AFF1: variants seen among roughly 807,000 people sequenced by gnomAD.
AFF1 encodes AF4/FMR2 family member 1.
AFF1 carries 48 observed loss-of-function variants against 121.7 expected under a neutral mutation model. The observed-to-expected ratio is 0.39, with a 90% CI of 0.31 to 0.50. AFF1 has a LOEUF of 0.50. AFF1 is among the 20% of genes least tolerant of loss of function. AFF1 has a pLI of 0.76. For missense variants in AFF1, 1,523 were observed against 1,511.7 expected (o/e 1.01, Z -0.12); for synonymous variants, 613 against 563.0 (o/e 1.09, Z -1.26).
rs75029481 is a variant in AFF1 at position 87,000,183 on chromosome 4, G to T, written c.39-45983G>T. On this transcript the variant is annotated intron_variant, in intron 2 of 20. Coordinates refer to ENST00000395146, the MANE Select transcript of AFF1 (RefSeq NM_001166693.3). ...GGAGAAGAGGCAAATCTTTCTTAGA[G>T]AAGAATTTCAAATATGTATAGCTAT... 4.0e-3 allele frequency among the ~76,000 whole-genome samples: 611 copies of T among 152,318 alleles called. 1 individual carries two copies. Among genetic ancestry groups the T allele is most frequent in the African/African-American group, 0.014 (571 of 41,568 alleles).
intron 6 of AFF1, among the ~76,000 whole-genome samples, chr4:87,090,892 G>A (rs1724228984): frequency 6.6e-6 from 1 of 151,836 alleles, no homozygotes; most frequent in African/African-American, 2.4e-5. Flanking sequence ...GCATGCACCT[G>A]TAGTCCCAGC....
At chr4:87,033,590 C>A (rs995677753) in intron 2 of AFF1, among the ~76,000 whole-genome samples, 1 of 152,110 alleles carries the variant, frequency 6.6e-6, no homozygotes, top group African/African-American at 2.4e-5. Flanking sequence ...CTCTTATGGG[C>A]TGTAGAAGTT....
Position 87,135,719 on chromosome 4 carries a change from TCAATG to T in AFF1, c.*20_*24del, listed in dbSNP as rs746466939. ...CACCTTAATGGAGCCCCAGGTTGAT[TCAATG>T]CCTTGGGAACTATTTTTGCACATTG... On this transcript the variant is annotated 3_prime_UTR_variant, in exon 21 of 21. Transcript: ENST00000395146. 6.2e-7 allele frequency: 1 copy of T among 1,606,578 alleles called. No individual in the cohort carries two copies. The highest frequency in any genetic ancestry group is 1.1e-5 in the South Asian group (1 of 89,200).
chr4:87,119,369 A>G (rs984720412), intron 12 of AFF1, among the ~76,000 whole-genome samples: 4 of 152,022 alleles, frequency 2.6e-5, no homozygotes, highest in Non-Finnish European at 5.9e-5. Flanking sequence ...GCTTGAGCCC[A>G]GGAGTTCAAG....
At chr4:86,975,336 G>A (rs1723226764) in intron 2 of AFF1, among the ~76,000 whole-genome samples, 1 of 152,016 alleles carries the variant, frequency 6.6e-6, no homozygotes, top group East Asian at 1.9e-4. Flanking sequence ...CTGCAGCCTT[G>A]ACCTCCTGGG....
rs940436294 is a variant in AFF1, at chr4:87,094,039, C to A, written c.1229-876C>A. On this transcript the variant is annotated intron_variant, in intron 7 of 20. Transcript: ENST00000395146. ...ATACAGTCATAACTTCCCATCCTGG[C>A]CTTCAGAGCCCTCTGAAATCTGCTT... Among the ~76,000 whole-genome samples the A allele has an allele frequency of 1.2e-4, 18 of 152,112 alleles. No individual in the cohort carries two copies. In the East Asian group the frequency reaches 2.5e-3, roughly 21 times the overall value.
At chr4:87,019,106 A>G (rs1578074283) in intron 2 of AFF1, among the ~76,000 whole-genome samples, 1 of 152,256 alleles carries the variant, frequency 6.6e-6, no homozygotes, top group Admixed American at 6.5e-5. Flanking sequence ...GAAGAGATAA[A>G]TAGCAAAGCC....
intron 4 of AFF1, among the ~76,000 whole-genome samples, chr4:87,056,915 A>G (rs1266820568): frequency 6.6e-6 from 1 of 152,220 alleles, no homozygotes; most frequent in Non-Finnish European, 1.5e-5. Context: ...GGGTACTGTT[A>G]CCATCCTGTT....
intron 1 of AFF1, among the ~76,000 whole-genome samples, chr4:86,940,721 CAGTA>C (rs1720394189): frequency 6.6e-6 from 1 of 152,086 alleles, no homozygotes; most frequent in East Asian, 1.9e-4. Context: ...TTATAGTTGT[CAGTA>C]AGTGTGTCTG....
At chr4:87,051,856 G>A (rs1373460179) in intron 4 of AFF1, among the ~76,000 whole-genome samples, 1 of 152,012 alleles carries the variant, frequency 6.6e-6, no homozygotes, top group Non-Finnish European at 1.5e-5. Context: ...ACAGATCCCT[G>A]GTCTCATAGA....
chr4:87,012,608 A>G (rs916183682), intron 2 of AFF1, among the ~76,000 whole-genome samples: 1 of 152,222 alleles, frequency 6.6e-6, no homozygotes, highest in Non-Finnish European at 1.5e-5. Context: ...ATGGTCCTCA[A>G]TTCATTTTAT....
rs780981287 is a variant in AFF1, at chr4:87,046,901, C to G, written c.366C>G (p.Ser122=). Residue 122 remains serine, a synonymous_variant, in exon 4 of 21, where the codon TCC becomes TCG. Coordinates refer to ENST00000395146, the MANE Select transcript of AFF1 (RefSeq NM_001166693.3). ...TCCACACTAGTGTCCACCACCAGTC[C>G]ATTCACACTCCTGCGTCTGGACCAC... ...SSFHTSVHHQ[S]IHTPASGPLS... 3.7e-6 allele frequency: 6 copies of G among 1,614,096 alleles called. No individual in the cohort carries two copies. The highest frequency in any genetic ancestry group is 5.1e-6 in the Non-Finnish European group (6 of 1,180,046).
At position 87,137,506 on chromosome 4, in the gene AFF1, G is replaced by C. The variant is rs924262135; in HGVS notation, c.*1805G>C. The C allele has an allele frequency of 4.3e-5, 10 of 230,796 alleles. No individual in the cohort carries two copies. The highest frequency in any genetic ancestry group is 2.0e-4 in the African/African-American group (9 of 45,204). The allele number at this position is 230,796 out of a possible 1,614,324, so 14.3% of individuals were successfully genotyped here. A position where few individuals can be genotyped will look rare whatever the true frequency, so the allele number is the denominator to read the frequency against. ...TTGGTTGTCACTAAGTCAGAGGTCT[G>C]GTCCCTCATGTTTAGGTGAAAGCCA... On this transcript the variant is annotated 3_prime_UTR_variant, in exon 21 of 21. Transcript: ENST00000395146.
intron 2 of AFF1, among the ~76,000 whole-genome samples, chr4:87,007,594 T>G (rs1346743161): frequency 6.6e-6 from 1 of 152,172 alleles, no homozygotes; most frequent in Admixed American, 6.5e-5. Context: ...AAAAGCAGTT[T>G]GGAGAACATG....
At chr4:87,134,006 A>G (rs1324178947) in intron 19 of AFF1, among the ~76,000 whole-genome samples, 1 of 152,230 alleles carries the variant, frequency 6.6e-6, no homozygotes, top group Non-Finnish European at 1.5e-5. Flanking sequence ...GTGGCCCAGG[A>G]AAAGGAATAA....
chr4:87,057,108 T>C (rs1720227571), intron 4 of AFF1, among the ~76,000 whole-genome samples: 1 of 152,178 alleles, frequency 6.6e-6, no homozygotes, highest in African/African-American at 2.4e-5. Context: ...GAGTTGACTT[T>C]TGAAGCACTT....
chr4:87,103,839 A>G (rs900893720), intron 8 of AFF1, among the ~76,000 whole-genome samples: 1 of 152,230 alleles, frequency 6.6e-6, no homozygotes, highest in Non-Finnish European at 1.5e-5. Context: ...AAGGCAAATC[A>G]GTTTTATTCA....
intron 2 of AFF1, among the ~76,000 whole-genome samples, chr4:86,965,653 T>A (rs547786631): frequency 6.6e-6 from 1 of 152,302 alleles, no homozygotes; most frequent in East Asian, 1.9e-4. Flanking sequence ...TAATGGGCAT[T>A]TTTGACTCCT....
intron 2 of AFF1, among the ~76,000 whole-genome samples, chr4:86,951,806 G>A (rs368761217): frequency 4.0e-5 from 6 of 151,526 alleles, no homozygotes; most frequent in South Asian, 2.1e-4. Flanking sequence ...TAGTAGAGAC[G>A]GGTTTCACCA....
Sources: gnomAD v4.1 joint callset for allele counts (sites outside exome capture counted in the v4.1 genomes callset) on GRCh38, gnomAD v4.1.1 for gene constraint, MANE v1.5 for transcripts, NCBI Gene and HGNC (gene_info 2026-07-23, HGNC 2026-07-21) for gene names.